AP3S1: variants seen among roughly 807,000 people sequenced by gnomAD.
The protein encoded by AP3S1 is AP-3 complex subunit sigma-1.
AP3S1 carries 12 observed loss-of-function variants against 21.3 expected under a neutral mutation model. The ratio of observed to expected loss-of-function variants is 0.56; its 90% CI spans 0.36 to 0.91. The LOEUF is 0.91. AP3S1 is among the 40% of genes least tolerant of loss of function. The pLI, the probability that AP3S1 is intolerant of heterozygous loss-of-function variation, is 0.01. For missense variants in AP3S1, 116 were observed against 225.0 expected (o/e 0.52, Z 3.10); for synonymous variants, 48 against 78.4 (o/e 0.61, Z 2.05).
chr5:115,889,412 A>T (rs1017108797), intron 3 of AP3S1, among the ~76,000 whole-genome samples: 1 of 152,200 alleles, frequency 6.6e-6, no homozygotes, highest in East Asian at 1.9e-4. Context: ...ATTTCAGATA[A>T]ATTTGGTCCA....
intron 3 of AP3S1, among the ~76,000 whole-genome samples, chr5:115,880,559 G>A (rs1438464346): frequency 6.6e-6 from 1 of 152,130 alleles, no homozygotes; most frequent in East Asian, 1.9e-4. Context: ...ACTGTGGTCT[G>A]AGAGTCTGTT....
At chr5:115,883,254 G>GA (rs780856161) in intron 3 of AP3S1, among the ~76,000 whole-genome samples, 1 of 152,150 alleles carries the variant, frequency 6.6e-6, no homozygotes. Context: ...TAGGGTATGA[G>GA]AAAAAACTCC....
At chr5:115,866,857 A>T in intron 2 of AP3S1, 96 bp downstream of exon 2, 1 of 624,418 alleles carries the variant, frequency 1.6e-6, no homozygotes, top group Non-Finnish European at 2.4e-6. Flanking sequence ...TCTACTTTTG[A>T]TTAATTGGAT....
intron 3 of AP3S1, among the ~76,000 whole-genome samples, chr5:115,872,305 T>C (rs151184249): frequency 6.6e-6 from 1 of 151,940 alleles, no homozygotes; most frequent in Non-Finnish European, 1.5e-5. Context: ...ATAAAAACAT[T>C]GTTAATAAAA....
intron 3 of AP3S1, among the ~76,000 whole-genome samples, chr5:115,889,026 G>A (rs1266201027): frequency 2.6e-5 from 4 of 152,148 alleles, no homozygotes; most frequent in African/African-American, 7.2e-5. Flanking sequence ...TGGTTTCAAA[G>A]CATGTATCCT....
chr5:115,892,564 A>G (rs1750404000), intron 3 of AP3S1, among the ~76,000 whole-genome samples: 1 of 152,184 alleles, frequency 6.6e-6, no homozygotes, highest in African/African-American at 2.4e-5. Flanking sequence ...CAGAAAGACA[A>G]ACATCATATG....
In AP3S1 at chr5:115,913,567, A is replaced by C; in HGVS notation, c.*77A>C. The C allele has an allele frequency of 3.2e-6, 5 of 1,564,882 alleles. No individual in the cohort carries two copies. In the South Asian group the frequency reaches 3.7e-5, roughly 12 times the overall value. On this transcript the variant is annotated 3_prime_UTR_variant, in exon 6 of 6. Transcript: ENST00000316788. ...GTTTACCATGCAGTTGTTTACCAAA[A>C]ATAGAGGAGGAGAGTCTTAACTTTT...
chr5:115,858,733 C>T (rs1762960982), intron 1 of AP3S1, among the ~76,000 whole-genome samples: 2 of 151,170 alleles, frequency 1.3e-5, no homozygotes. Context: ...TAAAATTTCT[C>T]CATATATTTT....
At chr5:115,901,267 A>G (rs372121431) in intron 4 of AP3S1, among the ~76,000 whole-genome samples, 2 of 152,138 alleles carry the variant, frequency 1.3e-5, no homozygotes. Context: ...TTTCTAGGAT[A>G]CCTAAGATAT....
intron 1 of AP3S1, among the ~76,000 whole-genome samples, chr5:115,848,526 A>C (rs1276495303): frequency 6.6e-6 from 1 of 152,210 alleles, no homozygotes; most frequent in African/African-American, 2.4e-5. Context: ...CTTTTGTATA[A>C]AATTAAACTT....
Position 115,889,061 on chromosome 5 carries a change from T to C in AP3S1, c.274-6026T>C, listed in dbSNP as rs368175779. Among the ~76,000 whole-genome samples, 15 of 152,328 alleles carry C rather than the reference T, an allele frequency of 9.8e-5. 1 individual carries two copies. The highest frequency in any genetic ancestry group is 7.2e-4 in the Admixed American group (11 of 15,292). On this transcript the variant is annotated intron_variant, in intron 3 of 5. Transcript: ENST00000316788. ...TCAACACAGTACTGTGCTGCCTCTATAGGCAACCCATGTTTTTTACCACTC... is the reference window on the plus strand; with the variant it reads ...TCAACACAGTACTGTGCTGCCTCTACAGGCAACCCATGTTTTTTACCACTC...
chr5:115,901,553 CT>C lies in AP3S1; in HGVS notation c.346-1317del, dbSNP rs1375375319. On this transcript the variant is annotated intron_variant, in intron 4 of 5. Transcript: ENST00000316788. ...AATGAAAAATAGTAAATAATGATGA[CT>C]TTTTTTTTTTTTTTAATTGAGGCAG... Among the ~76,000 whole-genome samples, 830 of 140,522 alleles carry C rather than the reference CT, an allele frequency of 5.9e-3. 1 individual carries two copies. Among genetic ancestry groups the C allele is most frequent in the Non-Finnish European group, 5.4e-3 (350 of 64,236 alleles). The allele number at this position is 140,522 out of a possible 152,430, so 92.2% of individuals were successfully genotyped here. A position where few individuals can be genotyped will look rare whatever the true frequency, so the allele number is the denominator to read the frequency against.
At chr5:115,872,077 G>A (rs963719853) in intron 3 of AP3S1, among the ~76,000 whole-genome samples, 3 of 152,258 alleles carry the variant, frequency 2.0e-5, no homozygotes, top group Middle Eastern at 3.4e-3. Context: ...ACTTTGGAAG[G>A]CTAAGCTGAG....
intron 3 of AP3S1, among the ~76,000 whole-genome samples, chr5:115,889,823 TA>T (rs1165593845): frequency 6.6e-6 from 1 of 151,580 alleles, no homozygotes; most frequent in African/African-American, 2.4e-5. Flanking sequence ...AAAAAAATGA[TA>T]AAAAGACCAA....
chr5:115,860,434 C>A (rs995959906), intron 1 of AP3S1, among the ~76,000 whole-genome samples: 1 of 152,134 alleles, frequency 6.6e-6, no homozygotes, highest in South Asian at 2.1e-4. Flanking sequence ...CTCCGAAGAC[C>A]CTCCCTTTGA....
At chr5:115,911,175 A>G (rs1239443609) in intron 5 of AP3S1, among the ~76,000 whole-genome samples, 1 of 152,118 alleles carries the variant, frequency 6.6e-6, no homozygotes, top group East Asian at 1.9e-4. Context: ...ATTTAACAGG[A>G]TGCATTTTTA....
intron 1 of AP3S1, among the ~76,000 whole-genome samples, chr5:115,856,440 T>A (rs893985972): frequency 1.3e-5 from 2 of 152,006 alleles, no homozygotes; most frequent in Non-Finnish European, 2.9e-5. Context: ...ATCTTTTTTT[T>A]TTTTTTTCTA....
intron 3 of AP3S1, among the ~76,000 whole-genome samples, chr5:115,874,178 T>G (rs1748508949): frequency 6.6e-6 from 1 of 152,142 alleles, no homozygotes; most frequent in South Asian, 2.1e-4. Context: ...TAAAAATTCC[T>G]TGTAAGTTTG....
chr5:115,867,680 T>G (rs1402132118), intron 2 of AP3S1, among the ~76,000 whole-genome samples: 1 of 152,192 alleles, frequency 6.6e-6, no homozygotes, highest in African/African-American at 2.4e-5. Flanking sequence ...GGCTTCTAAT[T>G]TAATAATTGA....
Sources: allele counts gnomAD v4.1 joint callset (sites outside exome capture counted in the v4.1 genomes callset), GRCh38; gene constraint gnomAD v4.1.1; transcripts MANE v1.5; gene names NCBI Gene and HGNC (gene_info 2026-07-23, HGNC 2026-07-21).